Variants in NMNAT3 observed in about 807,000 individuals in gnomAD.
NMNAT3 encodes nicotinamide nucleotide adenylyltransferase 3, also known as nicotinamide/nicotinic acid mononucleotide adenylyltransferase 3.
In NMNAT3, 21 loss-of-function variants were observed where a neutral mutation model predicts 24.8. The ratio of observed to expected loss-of-function variants is 0.85; its 90% CI spans 0.60 to 1.22. NMNAT3 has a LOEUF of 1.22. Ranked by LOEUF, NMNAT3 falls within the 50% of genes most tolerant of loss-of-function variation. NMNAT3 has a pLI of 0.00. For synonymous variants in NMNAT3, 136 were observed against 155.2 expected (o/e 0.88, Z 0.92); for missense variants, 387 against 436.6 (o/e 0.89, Z 1.01).
At chr3:139,669,450 C>T (rs1325138229) in intron 1 of NMNAT3, among the ~76,000 whole-genome samples, 1 of 134,216 alleles carries the variant, frequency 7.5e-6, no homozygotes, top group Non-Finnish European at 1.5e-5. Flanking sequence ...GCATTCCAGC[C>T]TGGGCAACAG....
intron 3 of NMNAT3, among the ~76,000 whole-genome samples, chr3:139,592,104 C>T (rs1450588184): frequency 6.6e-6 from 1 of 152,058 alleles, no homozygotes; most frequent in Non-Finnish European, 1.5e-5. Flanking sequence ...CTAGACTAAC[C>T]AATACAGAGA....
intron 3 of NMNAT3, among the ~76,000 whole-genome samples, chr3:139,624,067 A>G (rs1379476459): frequency 2.0e-5 from 3 of 152,214 alleles, no homozygotes; most frequent in Non-Finnish European, 4.4e-5. Flanking sequence ...CTAAAATGTC[A>G]TAGTGTGGCA....
chr3:139,613,918 A>G (rs886507025), intron 3 of NMNAT3, among the ~76,000 whole-genome samples: 12 of 152,056 alleles, frequency 7.9e-5, no homozygotes, highest in African/African-American at 2.4e-4. Flanking sequence ...GTTCTCACTC[A>G]TAGGTGGGAA....
intron 1 of NMNAT3, among the ~76,000 whole-genome samples, chr3:139,652,089 G>A (rs2057074098): frequency 6.6e-6 from 1 of 152,174 alleles, no homozygotes; most frequent in Non-Finnish European, 1.5e-5. Flanking sequence ...TGGAGGTGAT[G>A]CTGGGAGGAA....
Position 139,560,761 on chromosome 3 carries a change from C to G in NMNAT3, c.*249G>C. On this transcript the variant is annotated 3_prime_UTR_variant, in exon 7 of 7. Transcript: ENST00000643695. ...GTCCAGCAGCTCTGAGAGATTCTGC[C>G]TAATCCTAATGACCTGCCACACCAT... 6.2e-6 allele frequency: 3 copies of G among 485,748 alleles called. No homozygotes were observed. In the South Asian group the frequency reaches 9.0e-5, roughly 15 times the overall value. The allele number at this position is 485,748 out of a possible 1,614,324, so 30.1% of individuals were successfully genotyped here.
intron 1 of NMNAT3, among the ~76,000 whole-genome samples, chr3:139,665,770 T>C (rs996986781): frequency 6.0e-5 from 9 of 151,190 alleles, no homozygotes; most frequent in African/African-American, 2.2e-4. Context: ...CCTTTTTGTA[T>C]TGATAAGTCA....
chr3:139,663,351 C>T (rs896182512), intron 1 of NMNAT3, among the ~76,000 whole-genome samples: 1 of 152,172 alleles, frequency 6.6e-6, no homozygotes, highest in Non-Finnish European at 1.5e-5. Flanking sequence ...AGATAATCGG[C>T]AACTTTAATT....
intron 1 of NMNAT3, among the ~76,000 whole-genome samples, chr3:139,663,393 G>A (rs1269708765): frequency 6.6e-6 from 1 of 152,172 alleles, no homozygotes; most frequent in Non-Finnish European, 1.5e-5. Context: ...CCATGCCACA[G>A]AACCAAACAC....
chr3:139,627,620 T>C lies in NMNAT3; in HGVS notation c.105A>G (p.Gln35=), dbSNP rs763897135. ...ACTCAGGGCCCCCTGACTGACCTGT[T>C]TGGTGTAGGTGATCTCTGGCCACCT... is the stretch of plus-strand genomic sequence containing the variant. The change falls in exon 3 of 7, where the codon CAA becomes CAG. Residue 35 remains glutamine, a synonymous_variant. Coordinates refer to ENST00000643695, the MANE Select transcript of NMNAT3 (RefSeq NM_001320510.2). The C allele has an allele frequency of 2.5e-6, 4 of 1,579,926 alleles. No homozygotes were observed. The highest frequency in any genetic ancestry group is 3.4e-6 in the Non-Finnish European group (4 of 1,168,596).
intron 1 of NMNAT3, among the ~76,000 whole-genome samples, chr3:139,677,040 C>T (rs942359281): frequency 1.3e-5 from 2 of 152,180 alleles, no homozygotes; most frequent in African/African-American, 4.8e-5. Flanking sequence ...CTCTGCAGGC[C>T]AGCCCCACCA....
chr3:139,644,073 T>C (rs145690011), intron 1 of NMNAT3, among the ~76,000 whole-genome samples: 103 of 152,316 alleles, frequency 6.8e-4, no homozygotes, highest in Middle Eastern at 6.8e-3. Context: ...TAGAACTATA[T>C]TCCTAACATC....
chr3:139,594,439 G>T (rs2054348570), intron 3 of NMNAT3, among the ~76,000 whole-genome samples: 1 of 152,190 alleles, frequency 6.6e-6, no homozygotes, highest in South Asian at 2.1e-4. Context: ...AGAAAAAGAG[G>T]GAATCCTCCC....
In NMNAT3 at chr3:139,616,471, A is replaced by G. The variant is rs368622942; in HGVS notation, c.109+11145T>C. ...CTCATTTACCCCTAAGGATACCTTC[A>G]TTTATTACCTACAGGTCACTCATAA... On this transcript the variant is annotated intron_variant, in intron 3 of 6. Coordinates refer to ENST00000643695, the MANE Select transcript of NMNAT3 (RefSeq NM_001320510.2). Among the ~76,000 whole-genome samples, 18 of 152,194 alleles carry G rather than the reference A, an allele frequency of 1.2e-4. 1 individual carries two copies. The East Asian group carries it at 3.5e-3, about 29-fold the overall frequency.
At chr3:139,561,922 T>C (rs1032057251) in intron 6 of NMNAT3, among the ~76,000 whole-genome samples, 4 of 152,228 alleles carry the variant, frequency 2.6e-5, no homozygotes, top group African/African-American at 7.2e-5. Context: ...AAAAGGTCTC[T>C]AAGACTCCAG....
chr3:139,566,863 T>C (rs1372716946), intron 6 of NMNAT3: 1 of 152,226 alleles, frequency 6.6e-6, no homozygotes, highest in East Asian at 1.9e-4. Context: ...TTTGGTTCCA[T>C]ATGAACTTTA....
intron 1 of NMNAT3, among the ~76,000 whole-genome samples, chr3:139,651,672 T>C (rs538218589): frequency 6.6e-5 from 10 of 152,200 alleles, no homozygotes; most frequent in Admixed American, 4.6e-4. Context: ...GCTCAGGCTG[T>C]GTGCAGAGCT....
At chr3:139,628,869 T>C (rs968803420) in intron 2 of NMNAT3, among the ~76,000 whole-genome samples, 2 of 152,198 alleles carry the variant, frequency 1.3e-5, no homozygotes, top group African/African-American at 2.4e-5. Flanking sequence ...AAGTGCCTGA[T>C]ACGTAAGAAG....
At chr3:139,638,902 C>T (rs2056601354) in intron 1 of NMNAT3, among the ~76,000 whole-genome samples, 1 of 152,198 alleles carries the variant, frequency 6.6e-6, no homozygotes, top group Non-Finnish European at 1.5e-5. Flanking sequence ...AGCCTTGCTA[C>T]TTACCCTCCA....
chr3:139,572,442 G>A (rs1938539433), intron 6 of NMNAT3, among the ~76,000 whole-genome samples: 1 of 152,112 alleles, frequency 6.6e-6, no homozygotes, highest in Non-Finnish European at 1.5e-5. Flanking sequence ...CTCATGCACA[G>A]CCCCCCAGAC....
Sources: gnomAD v4.1 joint callset for allele counts (sites outside exome capture counted in the v4.1 genomes callset) on GRCh38, gnomAD v4.1.1 for gene constraint, MANE v1.5 for transcripts, NCBI Gene and HGNC (gene_info 2026-07-23, HGNC 2026-07-21) for gene names.